The following CACNA2D3 variants were observed in gnomAD, a reference collection of about 807,000 sequenced individuals.
CACNA2D3 encodes the protein calcium voltage-gated channel auxiliary subunit alpha2delta 3.
A neutral mutation model predicts 160.6 loss-of-function variants in CACNA2D3; 60 were observed. The observed-to-expected ratio is 0.37, with a 90% CI of 0.30 to 0.46. The LOEUF is 0.46. Among genes scored for constraint, CACNA2D3 ranks in the 20% least tolerant of loss-of-function variants. The pLI is 1.00. For synonymous variants in CACNA2D3, 558 were observed against 492.9 expected (o/e 1.13, Z -1.75); for missense variants, 1,205 against 1,365.0 (o/e 0.88, Z 1.85).
chr3:54,598,142 C>A (rs1354275245), intron 9 of CACNA2D3, among the ~76,000 whole-genome samples: 3 of 148,360 alleles, frequency 2.0e-5, no homozygotes, highest in Non-Finnish European at 4.5e-5. Flanking sequence ...AAAAAAAATA[C>A]AACAACAACA....
chr3:54,492,156 C>T (rs1344551855), intron 4 of CACNA2D3, among the ~76,000 whole-genome samples: 1 of 152,138 alleles, frequency 6.6e-6, no homozygotes, highest in Non-Finnish European at 1.5e-5. Flanking sequence ...TCCCTGGTGG[C>T]ACCTCTATCA....
At chr3:54,975,836 A>G (rs1303729944) in intron 29 of CACNA2D3, among the ~76,000 whole-genome samples, 2 of 152,124 alleles carry the variant, frequency 1.3e-5, no homozygotes, top group Non-Finnish European at 2.9e-5. Context: ...CAGGGAGTCT[A>G]GGAACCTATA....
chr3:54,359,028 G>A (rs771538003), intron 3 of CACNA2D3, among the ~76,000 whole-genome samples: 1 of 151,972 alleles, frequency 6.6e-6, no homozygotes, highest in Non-Finnish European at 1.5e-5. Flanking sequence ...TATAAGGTAC[G>A]GGGAGAGATG....
chr3:54,124,869 G>C (rs989089504), intron 2 of CACNA2D3, among the ~76,000 whole-genome samples: 1 of 152,168 alleles, frequency 6.6e-6, no homozygotes, highest in Non-Finnish European at 1.5e-5. Context: ...AAATGCCCTC[G>C]TGGAAGATGA....
chr3:54,858,076 T>A (rs1340481643), intron 17 of CACNA2D3, among the ~76,000 whole-genome samples: 1 of 151,692 alleles, frequency 6.6e-6, no homozygotes, highest in Admixed American at 6.6e-5. Flanking sequence ...TAGATTAATT[T>A]CATATCTAGA....
chr3:54,554,870 CT>C (rs66526065), intron 5 of CACNA2D3, among the ~76,000 whole-genome samples: 71 of 96,134 alleles, frequency 7.4e-4, no homozygotes, highest in Middle Eastern at 5.4e-3. Context: ...CTCTCACTCT[CT>C]TTTTTTTTTT....
chr3:54,822,120 C>G (rs1703616590), intron 14 of CACNA2D3, among the ~76,000 whole-genome samples: 1 of 152,052 alleles, frequency 6.6e-6, no homozygotes, highest in African/African-American at 2.4e-5. Flanking sequence ...TTTTGAAAAC[C>G]CTATTTTTCT....
At position 54,418,610 on chromosome 3, in the gene CACNA2D3, G is replaced by A. The variant is rs550308517; in HGVS notation, c.381+31836G>A. Among the ~76,000 whole-genome samples the A allele has an allele frequency of 3.3e-5, 5 of 152,290 alleles. No homozygotes were observed. In the East Asian group the frequency reaches 9.6e-4, roughly 29 times the overall value. On this transcript the variant is annotated intron_variant, in intron 4 of 37. Transcript: ENST00000474759. ...CTGGATGAGGTAGATATTCACCTTT[G>A]AGGAAATGTCTTCTGAAAACAGAAA...
intron 27 of CACNA2D3, among the ~76,000 whole-genome samples, chr3:54,946,871 G>A (rs1022677405): frequency 6.6e-6 from 1 of 151,876 alleles, no homozygotes; most frequent in Admixed American, 6.6e-5. Context: ...GTACTCTTAA[G>A]GCATGGAGCT....
At chr3:54,898,920 T>C (rs1575539923) in intron 26 of CACNA2D3, among the ~76,000 whole-genome samples, 1 of 152,228 alleles carries the variant, frequency 6.6e-6, no homozygotes, top group South Asian at 2.1e-4. Context: ...TCTGATTTTC[T>C]CTGCTATGTG....
In CACNA2D3 at chr3:54,451,269, C is replaced by A. The variant is rs1337478580; in HGVS notation, c.382-52223C>A. ...TTTTTTTTTTTTTTTTTTGAGACAG[C>A]CTCTTGCTCTGTCACCAGGCTGGAG... is the stretch of plus-strand genomic sequence containing the variant. On this transcript the variant is annotated intron_variant, in intron 4 of 37. Transcript: ENST00000474759. Among the ~76,000 whole-genome samples, 114 of 89,730 alleles carry A rather than the reference C, an allele frequency of 1.3e-3. 1 individual carries two copies. Among genetic ancestry groups the A allele is most frequent in the African/African-American group, 5.5e-3 (114 of 20,848 alleles). 58.9% of individuals were successfully genotyped at this position (89,730 alleles called of 152,430 possible). A position where few individuals can be genotyped will look rare whatever the true frequency, so the allele number is the denominator to read the frequency against.
At chr3:55,007,101 G>C (rs1703113876) in intron 32 of CACNA2D3, among the ~76,000 whole-genome samples, 1 of 152,150 alleles carries the variant, frequency 6.6e-6, no homozygotes, top group Non-Finnish European at 1.5e-5. Flanking sequence ...TCAGGAAATT[G>C]AATTATCCAC....
intron 9 of CACNA2D3, chr3:54,626,727 G>C (rs921475411): frequency 2.7e-5 from 19 of 708,178 alleles, no homozygotes; most frequent in Non-Finnish European, 4.3e-5. Context: ...AAAGAAAGGG[G>C]TTCGGAATGC....
intron 13 of CACNA2D3, among the ~76,000 whole-genome samples, chr3:54,812,792 C>T (rs1703353169): frequency 6.6e-6 from 1 of 152,180 alleles, no homozygotes; most frequent in Admixed American, 6.5e-5. Flanking sequence ...GGAACATTTC[C>T]TGACTGGGGT....
At chr3:54,137,726 A>T (rs540895500) in intron 2 of CACNA2D3, among the ~76,000 whole-genome samples, 92 of 152,228 alleles carry the variant, frequency 6.0e-4, no homozygotes, top group African/African-American at 2.2e-3. Flanking sequence ...ATTATAGTCT[A>T]TTCAACGCAA....
intron 4 of CACNA2D3, among the ~76,000 whole-genome samples, chr3:54,400,172 C>A (rs936346153): frequency 6.8e-6 from 1 of 146,772 alleles, no homozygotes; most frequent in Non-Finnish European, 1.5e-5. Context: ...GCACGGTGCG[C>A]ACACACACTG....
intron 11 of CACNA2D3, among the ~76,000 whole-genome samples, chr3:54,652,783 CTTTTTTT>C (rs11428424): frequency 1.7e-5 from 2 of 118,260 alleles, no homozygotes; most frequent in South Asian, 6.0e-4. Flanking sequence ...CCATGGGAGG[CTTTTTTT>C]TTTTTTTTTT....
At chr3:54,246,610 G>A (rs970347616) in intron 2 of CACNA2D3, among the ~76,000 whole-genome samples, 1 of 52,246 alleles carries the variant, frequency 1.9e-5, no homozygotes, top group Non-Finnish European at 4.2e-5. Context: ...TGTAATCCCA[G>A]CTACTTGGGA....
intron 4 of CACNA2D3, among the ~76,000 whole-genome samples, chr3:54,447,607 A>T (rs1459836074): frequency 6.6e-6 from 1 of 152,220 alleles, no homozygotes; most frequent in Non-Finnish European, 1.5e-5. Context: ...TGATGGCAGG[A>T]GGACAGTCAT....
Sources: allele counts gnomAD v4.1 joint callset (sites outside exome capture counted in the v4.1 genomes callset), GRCh38; gene constraint gnomAD v4.1.1; transcripts MANE v1.5; gene names NCBI Gene and HGNC (gene_info 2026-07-23, HGNC 2026-07-21).